CACNB4: variants seen among roughly 807,000 people sequenced by gnomAD.
CACNB4 encodes the protein voltage-dependent L-type calcium channel subunit beta-4.
Under a neutral mutation model 71.2 loss-of-function variants are expected in CACNB4, and 32 were observed. That is an observed-to-expected ratio of 0.45 (90% CI 0.34 to 0.60). The LOEUF is 0.60. Ranked by LOEUF, CACNB4 falls within the 20% of genes least tolerant of loss-of-function variation. CACNB4 has a pLI of 0.01. For synonymous variants in CACNB4, 231 were observed against 236.9 expected, an observed-to-expected ratio of 0.97 and a Z score of 0.23; for missense variants, 464 against 647.9, an observed-to-expected ratio of 0.72 and a Z score of 3.08.
chr2:152,005,974 T>C (rs1682701265), intron 2 of CACNB4, among the ~76,000 whole-genome samples: 1 of 152,256 alleles, frequency 6.6e-6, no homozygotes, highest in African/African-American at 2.4e-5. Flanking sequence ...TCGCTATCAT[T>C]AGTATTCTAC....
chr2:151,941,024 A>C (rs2099864096), intron 2 of CACNB4, among the ~76,000 whole-genome samples: 1 of 152,204 alleles, frequency 6.6e-6, no homozygotes, highest in African/African-American at 2.4e-5. Flanking sequence ...GGAGTGTCTA[A>C]TACTTTCAGA....
chr2:151,856,125 T>C (rs570291262), intron 10 of CACNB4, among the ~76,000 whole-genome samples: 31 of 150,696 alleles, frequency 2.1e-4, no homozygotes, highest in Non-Finnish European at 4.0e-4. Flanking sequence ...AAAAATCTAC[T>C]CTTTTCAAAT....
At chr2:151,841,863 T>A (rs372811821) in intron 13 of CACNB4, 40 bp downstream of exon 13, 1 of 1,561,360 alleles carries the variant, frequency 6.4e-7, no homozygotes, top group African/African-American at 1.4e-5. Context: ...GAATTTTACA[T>A]GTAAGGTTGT....
At chr2:152,077,987 G>A (rs537206088) in intron 2 of CACNB4, among the ~76,000 whole-genome samples, 1 of 152,272 alleles carries the variant, frequency 6.6e-6, no homozygotes, top group East Asian at 1.9e-4. Context: ...CTGGCATATG[G>A]ACAGAGGGAG....
At chr2:152,015,799 A>C (rs751682838) in intron 2 of CACNB4, among the ~76,000 whole-genome samples, 4 of 152,230 alleles carry the variant, frequency 2.6e-5, no homozygotes, top group Non-Finnish European at 5.9e-5. Flanking sequence ...GGTTGTCATA[A>C]GCCACTGAGA....
chr2:151,838,983 C>T lies in CACNB4; in HGVS notation c.*136G>A. ...CATAATGTAATTTTTTTTTTTGCCC[C>T]TTACTTAGCATAAAATGACAGCAGC... On this transcript the variant is annotated 3_prime_UTR_variant, in exon 14 of 14. Transcript: ENST00000539935. 4 of 703,870 alleles carry T rather than the reference C, an allele frequency of 5.7e-6. No homozygotes were observed. Among genetic ancestry groups the T allele is most frequent in the Admixed American group, 3.3e-5 (1 of 30,420 alleles). 43.6% of individuals were successfully genotyped at this position (703,870 alleles called of 1,614,324 possible).
At chr2:151,900,746 G>A (rs1050412463) in intron 2 of CACNB4, among the ~76,000 whole-genome samples, 1 of 152,070 alleles carries the variant, frequency 6.6e-6, no homozygotes, top group African/African-American at 2.4e-5. Flanking sequence ...GAGACTGACT[G>A]GGAGACTGAT....
intron 2 of CACNB4, among the ~76,000 whole-genome samples, chr2:152,022,243 C>A (rs1683712222): frequency 6.6e-6 from 1 of 150,910 alleles, no homozygotes; most frequent in African/African-American, 2.5e-5. Flanking sequence ...CAAATAAGCC[C>A]TGTTTGTTTA....
chr2:151,849,479 C>T (rs938025529), intron 12 of CACNB4, among the ~76,000 whole-genome samples: 1 of 152,208 alleles, frequency 6.6e-6, no homozygotes, highest in African/African-American at 2.4e-5. Flanking sequence ...GGCACAATCA[C>T]AGCTCAGTGC....
At chr2:151,883,488 A>G in intron 2 of CACNB4, 118 bp from the exon 3 acceptor site, 1 of 881,832 alleles carries the variant, frequency 1.1e-6, no homozygotes, top group East Asian at 2.5e-5. Flanking sequence ...CACACACTCC[A>G]TGCCTTATTG....
At chr2:151,925,736 A>G (rs2099860070) in intron 2 of CACNB4, among the ~76,000 whole-genome samples, 1 of 152,084 alleles carries the variant, frequency 6.6e-6, no homozygotes, top group African/African-American at 2.4e-5. Context: ...AATTCCAGGG[A>G]AAGGGCCTTA....
intron 9 of CACNB4, chr2:151,866,848 T>C (rs2099843271): frequency 6.6e-6 from 1 of 150,534 alleles, no homozygotes; most frequent in Non-Finnish European, 1.5e-5. Context: ...CCAGACCCTC[T>C]GCCATGTCAT....
chr2:152,066,690 C>A (rs1280674050), intron 2 of CACNB4, among the ~76,000 whole-genome samples: 1 of 150,358 alleles, frequency 6.7e-6, no homozygotes, highest in Non-Finnish European at 1.5e-5. Context: ...AAGACACATG[C>A]ACACGTATGT....
chr2:151,952,729 G>A (rs547933074), intron 2 of CACNB4, among the ~76,000 whole-genome samples: 24 of 152,260 alleles, frequency 1.6e-4, no homozygotes, highest in African/African-American at 4.8e-4. Context: ...TTCCTTCATC[G>A]AGAAAGGATT....
At chr2:151,977,565 A>T (rs2099874033) in intron 2 of CACNB4, among the ~76,000 whole-genome samples, 1 of 152,222 alleles carries the variant, frequency 6.6e-6, no homozygotes, top group Non-Finnish European at 1.5e-5. Flanking sequence ...AAGGACAGGT[A>T]TTTCTGTTTT....
At chr2:151,867,436 G>A (rs2099843444) in intron 9 of CACNB4, 1 of 152,146 alleles carries the variant, frequency 6.6e-6, no homozygotes. Context: ...ACAGAAGCAG[G>A]TTGTCTATCT....
intron 9 of CACNB4, 89 bp downstream of exon 9, chr2:151,869,088 A>G: frequency 1.3e-6 from 1 of 777,294 alleles, no homozygotes; most frequent in Non-Finnish European, 2.2e-6. Context: ...GAACTTCTGA[A>G]ATCTCTGGAA....
intron 2 of CACNB4, among the ~76,000 whole-genome samples, chr2:152,033,196 C>T (rs917953139): frequency 6.6e-6 from 1 of 152,052 alleles, no homozygotes; most frequent in East Asian, 1.9e-4. Flanking sequence ...TGAGGAGAAG[C>T]GGGGTGGGGG....
chr2:151,851,142 A>G (rs1199227241), intron 12 of CACNB4: 1 of 152,234 alleles, frequency 6.6e-6, no homozygotes, highest in Non-Finnish European at 1.5e-5. Flanking sequence ...GTGATCACCA[A>G]TCTTTGGATG....
Sources: allele counts gnomAD v4.1 joint callset (sites outside exome capture counted in the v4.1 genomes callset), GRCh38; gene constraint gnomAD v4.1.1; transcripts MANE v1.5; gene names NCBI Gene and HGNC (gene_info 2026-07-23, HGNC 2026-07-21).